TMEM132C: variants seen among roughly 807,000 people sequenced by gnomAD.
TMEM132C encodes the protein protein phosphatase 1, regulatory subunit 152.
TMEM132C carries 29 observed loss-of-function variants against 61.4 expected under a neutral mutation model. The observed-to-expected ratio is 0.47, with a 90% CI of 0.35 to 0.64. The LOEUF (loss-of-function observed/expected upper bound fraction) is 0.64, where lower values mean the gene tolerates loss of function less well. Ranked by LOEUF, TMEM132C falls within the 30% of genes least tolerant of loss-of-function variation. The pLI is 0.00. For synonymous variants in TMEM132C, 656 were observed against 633.1 expected (o/e 1.04, Z -0.54); for missense variants, 1,408 against 1,476.9 (o/e 0.95, Z 0.76).
intron 5 of TMEM132C, among the ~76,000 whole-genome samples, chr12:128,669,996 A>G (rs1954515726): frequency 6.6e-6 from 1 of 152,134 alleles, no homozygotes; most frequent in African/African-American, 2.4e-5. Flanking sequence ...CATCTCACAT[A>G]CTTATCTTTT....
At chr12:128,535,998 C>G (rs1053689035) in intron 2 of TMEM132C, among the ~76,000 whole-genome samples, 11 of 152,136 alleles carry the variant, frequency 7.2e-5, no homozygotes, top group African/African-American at 1.2e-4. Context: ...CCTCAAGGAT[C>G]TAGAGCTAGA....
At chr12:128,705,028 AG>A (rs1954826299) in intron 8 of TMEM132C, 61 bp from the exon 9 acceptor site, 1 of 1,456,318 alleles carries the variant, frequency 6.9e-7, no homozygotes, top group Admixed American at 2.6e-5. Flanking sequence ...TCCTCCTAGG[AG>A]GGGGTTTCTA....
chr12:128,535,803 G>A (rs992048419), intron 2 of TMEM132C, among the ~76,000 whole-genome samples: 6 of 151,912 alleles, frequency 3.9e-5, no homozygotes, highest in Admixed American at 1.3e-4. Context: ...GGGAGGCAGA[G>A]CTTGCAGTGA....
rs146608056 is a variant in TMEM132C, at chr12:128,542,465, C to T, written c.975-1492C>T. Among the ~76,000 whole-genome samples, 236 of 152,192 alleles carry T rather than the reference C, an allele frequency of 1.6e-3. 2 individuals carry two copies. Among genetic ancestry groups the T allele is most frequent in the African/African-American group, 3.5e-3 (146 of 41,536 alleles). On this transcript the variant is annotated intron_variant, in intron 2 of 8. Coordinates refer to ENST00000435159, the MANE Select transcript of TMEM132C (RefSeq NM_001136103.3). Reference sequence around the variant, plus strand: ...GGACTAAAGGCATGCACCACCATGCCGGGTTAAGTTTTGTATTTTTCGTAG... The same window carrying T: ...GGACTAAAGGCATGCACCACCATGCTGGGTTAAGTTTTGTATTTTTCGTAG...
At chr12:128,605,562 C>A (rs1325161544) in intron 3 of TMEM132C, among the ~76,000 whole-genome samples, 1 of 152,136 alleles carries the variant, frequency 6.6e-6, no homozygotes, top group African/African-American at 2.4e-5. Context: ...TAAAATTAAC[C>A]CTCACAGAGA....
intron 2 of TMEM132C, among the ~76,000 whole-genome samples, chr12:128,463,130 T>G (rs375779917): frequency 3.2e-4 from 49 of 152,198 alleles, no homozygotes; most frequent in African/African-American, 1.1e-3. Context: ...AGCCTGGAGG[T>G]CTTCCGGCTA....
chr12:128,616,128 GC>G, intron 3 of TMEM132C, 23 bp from the exon 4 acceptor site: 1 of 1,547,318 alleles, frequency 6.5e-7, no homozygotes, highest in Middle Eastern at 1.7e-4. Context: ...TTGGCTTAAA[GC>G]CAGTTTCTTT....
At chr12:128,353,856 A>G (rs985665462) in intron 1 of TMEM132C, among the ~76,000 whole-genome samples, 6 of 152,238 alleles carry the variant, frequency 3.9e-5, no homozygotes, top group African/African-American at 1.2e-4. Flanking sequence ...CAGCACAAAG[A>G]TGCGCTCTGT....
At chr12:128,638,113 G>C (rs927500541) in intron 4 of TMEM132C, among the ~76,000 whole-genome samples, 3 of 152,190 alleles carry the variant, frequency 2.0e-5, no homozygotes, top group Non-Finnish European at 4.4e-5. Flanking sequence ...TAAAGAACTG[G>C]ACTGGATAAC....
At chr12:128,376,433 A>G (rs1874194463) in intron 1 of TMEM132C, among the ~76,000 whole-genome samples, 1 of 152,224 alleles carries the variant, frequency 6.6e-6, no homozygotes, top group African/African-American at 2.4e-5. Flanking sequence ...GGCCTTCGGG[A>G]CATCTCTTGT....
At chr12:128,542,368 C>T (rs936511638) in intron 2 of TMEM132C, among the ~76,000 whole-genome samples, 2 of 152,116 alleles carry the variant, frequency 1.3e-5, no homozygotes, top group Non-Finnish European at 1.5e-5. Flanking sequence ...TGCAGTGGCA[C>T]GATCTCAGCT....
At chr12:128,272,215 C>A (rs1231613278) in intron 1 of TMEM132C, among the ~76,000 whole-genome samples, 1 of 152,196 alleles carries the variant, frequency 6.6e-6, no homozygotes, top group African/African-American at 2.4e-5. Context: ...GTCCTGGCAA[C>A]CACTGATTAG....
At chr12:128,545,322 G>A (rs1184390193) in intron 3 of TMEM132C, among the ~76,000 whole-genome samples, 2 of 152,200 alleles carry the variant, frequency 1.3e-5, no homozygotes, top group African/African-American at 4.8e-5. Context: ...TTATGGCTGT[G>A]TAGTAGTCTA....
intron 2 of TMEM132C, among the ~76,000 whole-genome samples, chr12:128,439,798 G>C (rs76603615): frequency 0.088 from 13,318 of 152,148 alleles, 646 homozygotes; most frequent in Middle Eastern, 0.12. Flanking sequence ...ATCCCCTACA[G>C]TAAGGGAAAG....
chr12:128,473,129 T>C (rs1296412439), intron 2 of TMEM132C, among the ~76,000 whole-genome samples: 7 of 135,840 alleles, frequency 5.2e-5, no homozygotes, highest in Non-Finnish European at 3.4e-5. Flanking sequence ...CCAGCCTCCA[T>C]CTTCATCTTC....
At chr12:128,484,237 A>G (rs2136093855) in intron 2 of TMEM132C, among the ~76,000 whole-genome samples, 1 of 152,348 alleles carries the variant, frequency 6.6e-6, no homozygotes, top group South Asian at 2.1e-4. Context: ...AGTTGCTTTC[A>G]TCTTGAAAAG....
At chr12:128,590,296 C>T (rs1288762139) in intron 3 of TMEM132C, among the ~76,000 whole-genome samples, 1 of 152,220 alleles carries the variant, frequency 6.6e-6, no homozygotes, top group Non-Finnish European at 1.5e-5. Context: ...ATGATGTCCT[C>T]ACAGCAGACG....
At chr12:128,504,592 C>T (rs752612918) in intron 2 of TMEM132C, among the ~76,000 whole-genome samples, 1 of 152,072 alleles carries the variant, frequency 6.6e-6, no homozygotes, top group Non-Finnish European at 1.5e-5. Context: ...CCTTGACTTG[C>T]AGATGGCCAC....
intron 5 of TMEM132C, among the ~76,000 whole-genome samples, chr12:128,671,540 T>A (rs1302809738): frequency 2.6e-5 from 4 of 152,210 alleles, no homozygotes; most frequent in South Asian, 2.1e-4. Flanking sequence ...GCAACCAGCC[T>A]TCTCTCTGGT....
Sources: gnomAD v4.1 joint callset for allele counts (sites outside exome capture counted in the v4.1 genomes callset) on GRCh38, gnomAD v4.1.1 for gene constraint, MANE v1.5 for transcripts, NCBI Gene and HGNC (gene_info 2026-07-23, HGNC 2026-07-21) for gene names.